Variants in THSD4 observed in about 807,000 individuals in gnomAD.
The protein encoded by THSD4 is thrombospondin type 1 domain containing 4, also known as thrombospondin type-1 domain-containing protein 4.
In THSD4, 69 loss-of-function variants were observed where a neutral mutation model predicts 119.0. The observed-to-expected ratio is 0.58, with a 90% confidence interval of 0.48 to 0.71. The LOEUF is 0.71. THSD4 is among the 30% of genes least tolerant of loss of function. THSD4 has a pLI of 0.00. For synonymous variants in THSD4, 524 were observed against 540.4 expected (o/e 0.97, Z 0.42); for missense variants, 1,393 against 1,391.1 (o/e 1.00, Z -0.02).
At chr15:71,263,031 T>TG (rs71438512) in intron 6 of THSD4, among the ~76,000 whole-genome samples, 2 of 151,904 alleles carry the variant, frequency 1.3e-5, no homozygotes, top group African/African-American at 4.8e-5. Flanking sequence ...AAACGTGTCA[T>TG]GGGGGGTTGT....
intron 7 of THSD4, among the ~76,000 whole-genome samples, chr15:71,601,717 T>C (rs1047509302): frequency 1.3e-5 from 2 of 152,206 alleles, no homozygotes; most frequent in Non-Finnish European, 1.5e-5. Context: ...ATGTCACTAT[T>C]TATTGCTTCA....
intron 5 of THSD4, among the ~76,000 whole-genome samples, chr15:71,249,645 A>G (rs1422432225): frequency 6.6e-6 from 1 of 152,188 alleles, no homozygotes; most frequent in East Asian, 1.9e-4. Context: ...AGAATTGTTA[A>G]CAGTTGTCAT....
At chr15:71,324,040 T>C (rs1191429207) in intron 6 of THSD4, among the ~76,000 whole-genome samples, 1 of 152,178 alleles carries the variant, frequency 6.6e-6, no homozygotes, top group Non-Finnish European at 1.5e-5. Flanking sequence ...ACTACAGCAG[T>C]GTTTCCCAAC....
chr15:71,315,461 A>C (rs2045173987), intron 6 of THSD4, among the ~76,000 whole-genome samples: 1 of 152,142 alleles, frequency 6.6e-6, no homozygotes, highest in Non-Finnish European at 1.5e-5. Flanking sequence ...CTACTCCACC[A>C]TGGCCACCTC....
chr15:71,108,429 T>A (rs966012524), intron 1 of THSD4, among the ~76,000 whole-genome samples: 3 of 152,214 alleles, frequency 2.0e-5, no homozygotes, highest in Admixed American at 6.5e-5. Context: ...AGATTAAATA[T>A]GCTTTGAGCC....
At chr15:71,296,588 C>T (rs760923645) in intron 6 of THSD4, among the ~76,000 whole-genome samples, 1 of 152,166 alleles carries the variant, frequency 6.6e-6, no homozygotes, top group Non-Finnish European at 1.5e-5. Context: ...GGCCAAGCAG[C>T]GTGCATAACT....
At chr15:71,357,221 T>C (rs2045827430) in intron 6 of THSD4, among the ~76,000 whole-genome samples, 1 of 152,188 alleles carries the variant, frequency 6.6e-6, no homozygotes, top group Non-Finnish European at 1.5e-5. Context: ...TGATAGTCTT[T>C]AGATTTGGTG....
intron 4 of THSD4, among the ~76,000 whole-genome samples, chr15:71,225,539 C>CTTTTTTTTTTTTTTTTTTTTTTTTTTT (rs1040381361): frequency 9.5e-6 from 1 of 105,384 alleles, no homozygotes. Flanking sequence ...TTTTCTTTTT[C>CTTTTTTTTTTTTTTTTTTTTTTTTTTT]TTTTTTTTTT....
intron 6 of THSD4, among the ~76,000 whole-genome samples, chr15:71,354,267 C>T (rs1309759785): frequency 6.6e-6 from 1 of 152,142 alleles, no homozygotes; most frequent in Non-Finnish European, 1.5e-5. Context: ...TGTACTCCAG[C>T]CTGATCGAGA....
rs565143557 is a variant in THSD4 at position 71,224,014 on chromosome 15, A to G, written c.464+8615A>G. 5.9e-5 allele frequency among the ~76,000 whole-genome samples: 9 copies of G among 152,302 alleles called. No homozygotes were observed. The East Asian group carries it at 1.2e-3, about 20-fold the overall frequency. On this transcript the variant is annotated intron_variant, in intron 4 of 17. Transcript: ENST00000261862. ...AAGACAAGCAGACATTTACAAGTCA[A>G]GTGCCCAGGGAGGAGAGGGGAAGAC... is the stretch of plus-strand genomic sequence containing the variant.
intron 3 of THSD4, among the ~76,000 whole-genome samples, chr15:71,171,590 T>C (rs1343915806): frequency 6.6e-6 from 1 of 152,190 alleles, no homozygotes; most frequent in Non-Finnish European, 1.5e-5. Flanking sequence ...GCACCAGAAA[T>C]GATAGCTACA....
rs74785425 is a variant in THSD4, at chr15:71,398,053, G to C, written c.1016-13634G>C. ...CTGTGTAGTATGAAAGGATTGGGTG[G>C]GGTCTTTCCAGCTGTGATGGTCCAT... On this transcript the variant is annotated intron_variant, in intron 6 of 17. Coordinates refer to ENST00000261862, the MANE Select transcript of THSD4 (RefSeq NM_024817.3). Among the ~76,000 whole-genome samples, 725 of 152,240 alleles carry C rather than the reference G, an allele frequency of 4.8e-3. 10 individuals carry two copies. The highest frequency in any genetic ancestry group is 0.016 in the African/African-American group (650 of 41,532).
intron 7 of THSD4, among the ~76,000 whole-genome samples, chr15:71,460,178 T>C (rs997877615): frequency 6.6e-6 from 1 of 152,158 alleles, no homozygotes; most frequent in African/African-American, 2.4e-5. Context: ...CCTAAGGGAA[T>C]GGCTAAGAGG....
intron 6 of THSD4, among the ~76,000 whole-genome samples, chr15:71,261,156 C>T (rs906917751): frequency 1.3e-5 from 2 of 152,100 alleles, no homozygotes; most frequent in Non-Finnish European, 2.9e-5. Context: ...TAGATGAGGT[C>T]ACAGTAGAGT....
chr15:71,280,612 C>T (rs12909022), intron 6 of THSD4, among the ~76,000 whole-genome samples: 1 of 144,974 alleles, frequency 6.9e-6, no homozygotes, highest in African/African-American at 2.8e-5. Context: ...CCCTCCCTCC[C>T]TCTCTCTCTC....
In THSD4 at chr15:71,738,789, A is replaced by G. The variant is rs115946754; in HGVS notation, c.1906+782A>G. On this transcript the variant is annotated intron_variant, in intron 11 of 17. Coordinates refer to ENST00000261862, the MANE Select transcript of THSD4 (RefSeq NM_024817.3). ...GGTATGCAGCTCCCACATGAGTGAC[A>G]CTAGCTACTCTCCCTTTACCATCCC... Among the ~76,000 whole-genome samples the G allele has an allele frequency of 3.9e-3, 600 of 152,230 alleles. 4 individuals carry two copies. Among genetic ancestry groups the G allele is most frequent in the African/African-American group, 0.014 (564 of 41,548 alleles).
intron 7 of THSD4, among the ~76,000 whole-genome samples, chr15:71,461,085 T>C (rs1381532584): frequency 6.6e-6 from 1 of 152,252 alleles, no homozygotes; most frequent in African/African-American, 2.4e-5. Context: ...GCAGCTTAAC[T>C]GGGTGGTTCT....
chr15:71,749,327 G>C (rs1342925700), intron 14 of THSD4, among the ~76,000 whole-genome samples: 1 of 152,238 alleles, frequency 6.6e-6, no homozygotes, highest in Non-Finnish European at 1.5e-5. Flanking sequence ...GAAGAAAAGA[G>C]GAAGGAGATA....
chr15:71,422,523 T>G (rs948422068), intron 7 of THSD4, among the ~76,000 whole-genome samples: 3 of 152,204 alleles, frequency 2.0e-5, no homozygotes, highest in Non-Finnish European at 4.4e-5. Context: ...TTGTCTCCCC[T>G]TACTTTCTCC....
Sources: gnomAD v4.1 joint callset for allele counts (sites outside exome capture counted in the v4.1 genomes callset) on GRCh38, gnomAD v4.1.1 for gene constraint, MANE v1.5 for transcripts, NCBI Gene and HGNC (gene_info 2026-07-23, HGNC 2026-07-21) for gene names.